Variants in XPNPEP3 observed in about 807,000 individuals in gnomAD.
XPNPEP3 encodes X-prolyl aminopeptidase 3, also known as xaa-Pro aminopeptidase 3.
A neutral mutation model predicts 60.0 loss-of-function variants in XPNPEP3; 41 were observed. The ratio of observed to expected loss-of-function variants is 0.68; its 90% CI spans 0.53 to 0.89. The LOEUF (loss-of-function observed/expected upper bound fraction) is 0.89. Among genes scored for constraint, XPNPEP3 ranks in the 40% least tolerant of loss-of-function variants. The pLI is 0.00. For missense variants in XPNPEP3, 598 were observed against 638.9 expected, an observed-to-expected ratio of 0.94 and a Z score of 0.69; for synonymous variants, 212 against 223.2, an observed-to-expected ratio of 0.95 and a Z score of 0.45.
At chr22:40,869,255 A>G (rs2145775035) in intron 2 of XPNPEP3, 140 bp downstream of exon 2, 1 of 699,310 alleles carries the variant, frequency 1.4e-6, no homozygotes, top group African/African-American at 1.8e-5. Flanking sequence ...TTTTACACTA[A>G]TAAGGTTGCT....
intron 3 of XPNPEP3, among the ~76,000 whole-genome samples, chr22:40,884,609 C>T (rs546950648): frequency 1.3e-5 from 2 of 151,484 alleles, no homozygotes; most frequent in South Asian, 4.2e-4. Context: ...GCTGGGATTA[C>T]AGGCGTGAGC....
chr22:40,914,902 G>A (rs1248311347), intron 7 of XPNPEP3, among the ~76,000 whole-genome samples: 1 of 151,984 alleles, frequency 6.6e-6, no homozygotes, highest in Admixed American at 6.6e-5. Context: ...TCATGAGTGT[G>A]ATGATTGGGT....
intron 9 of XPNPEP3, among the ~76,000 whole-genome samples, chr22:40,925,474 TCTGTGG>T (rs778306892): frequency 6.6e-5 from 10 of 152,220 alleles, no homozygotes; most frequent in Non-Finnish European, 1.5e-4. Flanking sequence ...TACATTGCTA[TCTGTGG>T]CCATAGATAT....
At chr22:40,914,082 T>G (rs1336723581) in intron 6 of XPNPEP3, among the ~76,000 whole-genome samples, 157 bp from the exon 7 acceptor site, 1 of 148,538 alleles carries the variant, frequency 6.7e-6, no homozygotes, top group East Asian at 2.0e-4. Flanking sequence ...GCGGAGGTTG[T>G]GGTGAGCTGA....
In XPNPEP3 at chr22:40,909,102, CT is replaced by C. The variant is rs749365037; in HGVS notation, c.856-18del. 1 of 1,611,592 alleles carries C rather than the reference CT, an allele frequency of 6.2e-7. No homozygotes were observed. The highest frequency in any genetic ancestry group is 2.2e-5 in the East Asian group (1 of 44,864). On this transcript the variant is annotated intron_variant, in intron 5 of 9. Transcript: ENST00000357137. The stretch of plus-strand genomic sequence containing the variant: ...GCCCTACAGAAACCCTTTGTCATAC[CT>C]TGCTGTTGTTTTTCACAGTTTGAAT...
chr22:40,872,889 A>G (rs1294901983), intron 2 of XPNPEP3, among the ~76,000 whole-genome samples: 5 of 152,172 alleles, frequency 3.3e-5, no homozygotes, highest in Non-Finnish European at 5.9e-5. Flanking sequence ...ACTGAAACAT[A>G]TCAGAGAATG....
chr22:40,916,778 T>A (rs1422835643), intron 7 of XPNPEP3, among the ~76,000 whole-genome samples: 3 of 152,142 alleles, frequency 2.0e-5, no homozygotes, highest in African/African-American at 7.2e-5. Context: ...AATATTTGGG[T>A]GATAAAAATA....
chr22:40,885,937 G>A (rs2058066743), intron 3 of XPNPEP3, among the ~76,000 whole-genome samples: 1 of 152,130 alleles, frequency 6.6e-6, no homozygotes, highest in Non-Finnish European at 1.5e-5. Flanking sequence ...AGCTGAGATT[G>A]TGCCACTGCA....
At chr22:40,925,973 C>T (rs1464157621) in intron 9 of XPNPEP3, among the ~76,000 whole-genome samples, 2 of 152,134 alleles carry the variant, frequency 1.3e-5, no homozygotes, top group African/African-American at 2.4e-5. Context: ...CCTGCTTGAG[C>T]CACTAGAATA....
rs377145900 is a variant in XPNPEP3 at position 40,868,248 on chromosome 22, A to T, written c.65-751A>T. On this transcript the variant is annotated intron_variant, in intron 1 of 9. Coordinates refer to ENST00000357137, the MANE Select transcript of XPNPEP3 (RefSeq NM_022098.4). The stretch of plus-strand genomic sequence containing the variant: ...TGAGATAGCATGTGCATATTTTCTC[A>T]TGCTTAACATATTCTCAATAAAAAA... Among the ~76,000 whole-genome samples the T allele has an allele frequency of 7.2e-5, 11 of 152,284 alleles. No individual in the cohort carries two copies. The East Asian group carries it at 1.2e-3, about 16-fold the overall frequency.
intron 4 of XPNPEP3, among the ~76,000 whole-genome samples, chr22:40,899,241 G>A (rs2058121782): frequency 6.6e-6 from 1 of 152,080 alleles, no homozygotes; most frequent in Non-Finnish European, 1.5e-5. Flanking sequence ...TAGTAGCCCA[G>A]TTTCTTTGGG....
chr22:40,864,032 C>T lies in XPNPEP3; in HGVS notation c.65-4967C>T, dbSNP rs529586471. ...TTGGATCTCGTGCAAGAAAGAATTT[C>T]AGTGGAATCCACAGAGTAAAGTAAA... On this transcript the variant is annotated intron_variant, in intron 1 of 9. Coordinates refer to ENST00000357137, the MANE Select transcript of XPNPEP3 (RefSeq NM_022098.4). Among the ~76,000 whole-genome samples the T allele has an allele frequency of 5.3e-5, 8 of 152,300 alleles. No individual in the cohort carries two copies. In the South Asian group the frequency reaches 1.4e-3, roughly 28 times the overall value.
Position 40,861,976 on chromosome 22 carries a change from C to T in XPNPEP3, c.64+4731C>T, listed in dbSNP as rs762527572. 40 of 1,598,244 alleles carry T rather than the reference C, an allele frequency of 2.5e-5. No homozygotes were observed. The Admixed American group carries it at 5.7e-4, about 23-fold the overall frequency. The stretch of plus-strand genomic sequence containing the variant: ...GAAGCATATCTTTGCAGTCCTAGAA[C>T]TTCATAGTAATCCACCATGTTTTAA... On this transcript the variant is annotated intron_variant, in intron 1 of 9. Transcript: ENST00000357137.
Position 40,908,525 on chromosome 22 carries a change from A to G in XPNPEP3, c.856-597A>G, listed in dbSNP as rs767228728. 1.8e-4 allele frequency among the ~76,000 whole-genome samples: 27 copies of G among 152,278 alleles called. 1 individual carries two copies. The highest frequency in any genetic ancestry group is 1.2e-3 in the Admixed American group (19 of 15,290). ...AGCAATACCATGTCTCAAAAAATAG[A>G]GGTTGAGAAAGTGCTGTAGATAGTA... On this transcript the variant is annotated intron_variant, in intron 5 of 9. Transcript: ENST00000357137.
intron 4 of XPNPEP3, among the ~76,000 whole-genome samples, chr22:40,894,993 C>T (rs1237129377): frequency 6.6e-6 from 1 of 152,146 alleles, no homozygotes; most frequent in Non-Finnish European, 1.5e-5. Flanking sequence ...ATGATTATAG[C>T]CTATAATTCA....
At chr22:40,900,948 TTAAAAAA>T (rs2058129685) in intron 4 of XPNPEP3, among the ~76,000 whole-genome samples, 5 of 151,170 alleles carry the variant, frequency 3.3e-5, no homozygotes, top group Admixed American at 2.0e-4. Flanking sequence ...AATAATGATC[TTAAAAAA>T]TAATAAAAAA....
At chr22:40,882,348 T>G (rs1183962662) in intron 3 of XPNPEP3, among the ~76,000 whole-genome samples, 171 bp downstream of exon 3, 1 of 152,134 alleles carries the variant, frequency 6.6e-6, no homozygotes, top group African/African-American at 2.4e-5. Context: ...TTTAAAGATT[T>G]CATTTATGCC....
intron 6 of XPNPEP3, among the ~76,000 whole-genome samples, chr22:40,910,570 A>G (rs1474529039): frequency 6.6e-6 from 1 of 151,930 alleles, no homozygotes; most frequent in Admixed American, 6.6e-5. Context: ...ACCAGGCGTG[A>G]TGGTACATGC....
At chr22:40,892,137 A>C (rs2058090713) in intron 4 of XPNPEP3, among the ~76,000 whole-genome samples, 1 of 151,960 alleles carries the variant, frequency 6.6e-6, no homozygotes, top group Admixed American at 6.6e-5. Context: ...CTTATTCCTG[A>C]AATAGGATGC....
Sources: allele counts gnomAD v4.1 joint callset (sites outside exome capture counted in the v4.1 genomes callset), GRCh38; gene constraint gnomAD v4.1.1; transcripts MANE v1.5; gene names NCBI Gene and HGNC (gene_info 2026-07-23, HGNC 2026-07-21).